The following CDH13 variants were observed in gnomAD, a reference collection of about 807,000 sequenced individuals.
CDH13 encodes the protein cadherin-13.
Under a neutral mutation model 63.8 loss-of-function variants are expected in CDH13, and 24 were observed. That is an observed-to-expected ratio of 0.38 (90% CI 0.27 to 0.53). CDH13 has a LOEUF of 0.53. Ranked by LOEUF, CDH13 falls within the 20% of genes least tolerant of loss-of-function variation. The pLI is 0.85. For synonymous variants in CDH13, 503 were observed against 355.3 expected (o/e 1.42, Z -4.67); for missense variants, 1,049 against 903.1 (o/e 1.16, Z -2.07).
intron 7 of CDH13, among the ~76,000 whole-genome samples, chr16:83,586,253 G>T (rs1007844136): frequency 6.6e-6 from 1 of 152,124 alleles, no homozygotes; most frequent in Non-Finnish European, 1.5e-5. Context: ...TTGCACCCAC[G>T]GCTGAGGTTT....
intron 6 of CDH13, among the ~76,000 whole-genome samples, chr16:83,407,644 C>G (rs2092067421): frequency 6.6e-6 from 1 of 152,176 alleles, no homozygotes; most frequent in Admixed American, 6.5e-5. Context: ...CTAAACATTT[C>G]AGGGGAGTTT....
At chr16:82,834,509 T>G (rs1232759684) in intron 1 of CDH13, among the ~76,000 whole-genome samples, 2 of 152,162 alleles carry the variant, frequency 1.3e-5, no homozygotes, top group South Asian at 2.1e-4. Flanking sequence ...TGCCTTCCAT[T>G]GGTGAAGCGT....
chr16:82,929,790 C>A (rs896457668), intron 2 of CDH13, among the ~76,000 whole-genome samples: 11 of 150,036 alleles, frequency 7.3e-5, no homozygotes, highest in Non-Finnish European at 1.2e-4. Context: ...TAAATTTCTG[C>A]TGTTAAAAAG....
chr16:83,015,677 G>GTGTGTGTA (rs1280924836), intron 2 of CDH13, among the ~76,000 whole-genome samples: 7 of 37,562 alleles, frequency 1.9e-4, no homozygotes, highest in African/African-American at 6.1e-4. Flanking sequence ...GTGTGTGTAT[G>GTGTGTGTA]TATATATATA....
At chr16:83,248,774 C>A (rs922120885) in intron 5 of CDH13, among the ~76,000 whole-genome samples, 1 of 152,170 alleles carries the variant, frequency 6.6e-6, no homozygotes, top group Non-Finnish European at 1.5e-5. Flanking sequence ...ATCTTAACCA[C>A]ACCCGTAGCT....
At chr16:83,236,237 G>GCACACACACACGCACATGCACACACA (rs1555517168) in intron 5 of CDH13, among the ~76,000 whole-genome samples, 2 of 148,898 alleles carry the variant, frequency 1.3e-5, no homozygotes, top group East Asian at 4.0e-4. Flanking sequence ...ACACGCACAT[G>GCACACACACACGCACATGCACACACA]CACACACACA....
At chr16:83,255,850 G>GT (rs1906194053) in intron 5 of CDH13, among the ~76,000 whole-genome samples, 1 of 152,034 alleles carries the variant, frequency 6.6e-6, no homozygotes, top group Non-Finnish European at 1.5e-5. Flanking sequence ...AATTCCTAAG[G>GT]TGGTTCTGAA....
intron 1 of CDH13, among the ~76,000 whole-genome samples, chr16:82,670,269 T>A (rs1253363831): frequency 6.6e-6 from 1 of 152,192 alleles, no homozygotes; most frequent in African/African-American, 2.4e-5. Context: ...TCTAGAGGGA[T>A]CAGGAAATAA....
intron 4 of CDH13, among the ~76,000 whole-genome samples, chr16:83,189,977 C>T (rs2151753688): frequency 6.6e-6 from 1 of 152,308 alleles, no homozygotes; most frequent in Admixed American, 6.5e-5. Flanking sequence ...TAAGACGTGA[C>T]TTTGCTCCTC....
Position 83,767,941 on chromosome 16 carries a change from G to T in CDH13, c.1682-12027G>T, listed in dbSNP as rs184688001. Reference sequence around the variant, plus strand: ...GTAGTGGTGATGGTCGCACAACTCTGTAAATGTACTAAAAATTAATAGTCG... The same window carrying T: ...GTAGTGGTGATGGTCGCACAACTCTTTAAATGTACTAAAAATTAATAGTCG... On this transcript the variant is annotated intron_variant, in intron 11 of 13. Transcript: ENST00000567109. Among the ~76,000 whole-genome samples the T allele has an allele frequency of 1.6e-4, 25 of 152,146 alleles. No homozygotes were observed. The East Asian group carries it at 4.6e-3, about 28-fold the overall frequency.
chr16:82,983,640 C>T (rs116092269), intron 2 of CDH13, among the ~76,000 whole-genome samples: 166 of 152,314 alleles, frequency 1.1e-3, no homozygotes, highest in African/African-American at 3.8e-3. Context: ...GATGATGTCA[C>T]ACTTGACATA....
intron 6 of CDH13, among the ~76,000 whole-genome samples, chr16:83,479,156 G>T (rs1207346925): frequency 1.3e-5 from 2 of 152,204 alleles, no homozygotes; most frequent in Non-Finnish European, 2.9e-5. Flanking sequence ...CTCAACAGAA[G>T]TATCTAGGCT....
At chr16:83,411,135 G>T (rs2092120254) in intron 6 of CDH13, among the ~76,000 whole-genome samples, 1 of 152,154 alleles carries the variant, frequency 6.6e-6, no homozygotes, top group African/African-American at 2.4e-5. Flanking sequence ...TGGCTTAAAG[G>T]TGCCAACCTC....
chr16:83,022,076 G>C (rs570684045), intron 2 of CDH13, among the ~76,000 whole-genome samples: 3 of 152,322 alleles, frequency 2.0e-5, no homozygotes, highest in African/African-American at 7.2e-5. Flanking sequence ...ACTAAGCCCT[G>C]TGAGTGCTTT....
intron 6 of CDH13, among the ~76,000 whole-genome samples, chr16:83,466,368 A>T (rs2073315952): frequency 6.6e-6 from 1 of 152,184 alleles, no homozygotes; most frequent in Non-Finnish European, 1.5e-5. Flanking sequence ...TAGCGGCAAT[A>T]AGCTGGACAT....
At chr16:82,758,541 T>G (rs898195750) in intron 1 of CDH13, among the ~76,000 whole-genome samples, 1 of 152,044 alleles carries the variant, frequency 6.6e-6, no homozygotes, top group African/African-American at 2.4e-5. Flanking sequence ...AGCGGAGCTG[T>G]GCATTAGACA....
intron 2 of CDH13, among the ~76,000 whole-genome samples, chr16:82,913,770 G>A (rs1004091214): frequency 1.3e-5 from 2 of 152,060 alleles, no homozygotes; most frequent in African/African-American, 4.8e-5. Flanking sequence ...TCATTTGGGA[G>A]ATGAAGGGGG....
At chr16:82,960,309 G>A (rs181971437) in intron 2 of CDH13, among the ~76,000 whole-genome samples, 1 of 152,138 alleles carries the variant, frequency 6.6e-6, no homozygotes, top group East Asian at 1.9e-4. Context: ...ATTCAAGGAG[G>A]ATTTCTGTGC....
At chr16:82,694,410 A>G (rs1446253235) in intron 1 of CDH13, among the ~76,000 whole-genome samples, 5 of 152,214 alleles carry the variant, frequency 3.3e-5, no homozygotes, top group African/African-American at 9.6e-5. Context: ...TTCTGTGTCA[A>G]TGTGATAGAC....
Sources: gnomAD v4.1 joint callset for allele counts (sites outside exome capture counted in the v4.1 genomes callset) on GRCh38, gnomAD v4.1.1 for gene constraint, MANE v1.5 for transcripts, NCBI Gene and HGNC (gene_info 2026-07-23, HGNC 2026-07-21) for gene names.